The following INVS variants were observed in gnomAD, a reference collection of about 807,000 sequenced individuals.
INVS encodes inversin.
Under a neutral mutation model 108.8 loss-of-function variants are expected in INVS, and 86 were observed. The observed-to-expected ratio is 0.79, with a 90% CI of 0.66 to 0.95. The LOEUF (loss-of-function observed/expected upper bound fraction) is 0.95. Among genes scored for constraint, INVS ranks in the 40% least tolerant of loss-of-function variants. The pLI is 0.00. For synonymous variants in INVS, 455 were observed against 473.5 expected (o/e 0.96, Z 0.51); for missense variants, 1,169 against 1,297.4 (o/e 0.90, Z 1.52).
chr9:100,195,556 C>T (rs111566921), intron 3 of INVS, among the ~76,000 whole-genome samples: 65 of 152,006 alleles, frequency 4.3e-4, no homozygotes, highest in Non-Finnish European at 6.2e-4. Flanking sequence ...GATGTGATCT[C>T]GGCTCACTGC....
chr9:100,173,710 CAG>C (rs1262086277), intron 3 of INVS, among the ~76,000 whole-genome samples: 1 of 152,076 alleles, frequency 6.6e-6, no homozygotes, highest in Non-Finnish European at 1.5e-5. Context: ...GCCTGGGAGA[CAG>C]AGTGAGACTT....
intron 2 of INVS, among the ~76,000 whole-genome samples, chr9:100,124,794 T>G (rs561249390): frequency 1.3e-5 from 2 of 152,354 alleles, no homozygotes; most frequent in South Asian, 4.1e-4. Context: ...TCCAAACTTT[T>G]GAGTTGTTTC....
intron 3 of INVS, among the ~76,000 whole-genome samples, chr9:100,195,475 C>CA: frequency 6.7e-6 from 1 of 149,508 alleles, no homozygotes; most frequent in South Asian, 2.1e-4. Context: ...CACCCCACCA[C>CA]ACGCAACACA....
At chr9:100,154,189 G>A (rs1588044258) in intron 3 of INVS, among the ~76,000 whole-genome samples, 1 of 151,968 alleles carries the variant, frequency 6.6e-6, no homozygotes, top group Admixed American at 6.6e-5. Flanking sequence ...TTTGAGACAG[G>A]ATCTCACTCT....
In INVS at chr9:100,264,808, G is replaced by A. The variant is rs775762161; in HGVS notation, c.1465-14G>A. 7 of 1,581,186 alleles carry A rather than the reference G, an allele frequency of 4.4e-6. No individual in the cohort carries two copies. Among genetic ancestry groups the A allele is most frequent in the Non-Finnish European group, 5.2e-6 (6 of 1,150,136 alleles). On this transcript the variant is annotated splice_polypyrimidine_tract_variant and intron_variant, in intron 10 of 16. Coordinates refer to ENST00000262457, the MANE Select transcript of INVS (RefSeq NM_014425.5). ...CTTACTCCAGATGTACTTGATTTTT[G>A]TTTATGCTTATAGGGAAGAACAGCT...
chr9:100,279,939 G>A lies in INVS; in HGVS notation c.1785-4381G>A, dbSNP rs115554470. ...AATATCAACTTCCATAACTCCAACT[G>A]TGCAGGGCCAGAGTCGAGAGTTTGC... On this transcript the variant is annotated intron_variant, in intron 12 of 16. Transcript: ENST00000262457. Among the ~76,000 whole-genome samples, 527 of 152,306 alleles carry A rather than the reference G, an allele frequency of 3.5e-3. 2 individuals are homozygous for A. Among genetic ancestry groups the A allele is most frequent in the African/African-American group, 0.012 (514 of 41,564 alleles).
intron 2 of INVS, among the ~76,000 whole-genome samples, chr9:100,105,850 C>CTTTTTTTTTTTTTT (rs543070811): frequency 2.4e-4 from 15 of 63,800 alleles, no homozygotes; most frequent in East Asian, 7.5e-4. Context: ...GAAAAATTCC[C>CTTTTTTTTTTTTTT]TTTTTTTTTT....
intron 3 of INVS, among the ~76,000 whole-genome samples, chr9:100,221,597 C>T (rs1355268691): frequency 2.4e-5 from 3 of 123,878 alleles, no homozygotes; most frequent in African/African-American, 4.0e-5. Flanking sequence ...GCCTCCTCCC[C>T]AAGGTACCTG....
intron 3 of INVS, among the ~76,000 whole-genome samples, chr9:100,224,417 G>A (rs923396353): frequency 1.3e-5 from 2 of 152,102 alleles, no homozygotes; most frequent in Non-Finnish European, 2.9e-5. Context: ...TGGTCACACT[G>A]ACCTTGAAAT....
At chr9:100,105,434 T>C (rs1477414220) in intron 2 of INVS, among the ~76,000 whole-genome samples, 1 of 152,216 alleles carries the variant, frequency 6.6e-6, no homozygotes, top group East Asian at 1.9e-4. Context: ...CCATGAATTT[T>C]GTCTCACTTT....
chr9:100,101,207 G>A (rs1826977609), intron 1 of INVS: 1 of 150,140 alleles, frequency 6.7e-6, no homozygotes, highest in African/African-American at 2.5e-5. Context: ...AGGTCTTAGA[G>A]TTTAGAACAG....
intron 15 of INVS, among the ~76,000 whole-genome samples, 197 bp downstream of exon 15, chr9:100,297,343 A>T (rs1178041461): frequency 6.6e-6 from 1 of 152,140 alleles, no homozygotes; most frequent in Non-Finnish European, 1.5e-5. Context: ...GCACCATTTC[A>T]TTCCTGCCTC....
chr9:100,190,926 T>G (rs1830201360), intron 3 of INVS, among the ~76,000 whole-genome samples: 1 of 152,076 alleles, frequency 6.6e-6, no homozygotes, highest in Non-Finnish European at 1.5e-5. Context: ...AGTGGCATGA[T>G]CATGGCTCAC....
At position 100,143,643 on chromosome 9, in the gene INVS, T is replaced by A. The variant is rs1047555084; in HGVS notation, c.273+17094T>A. Among the ~76,000 whole-genome samples, 12 of 152,168 alleles carry A rather than the reference T, an allele frequency of 7.9e-5. No homozygotes were observed. In the South Asian group the frequency reaches 8.3e-4, roughly 11 times the overall value. ...GCCCAGGAATAGTCAGGGAAGCAGA[T>A]AATTTAGTTAAAGTGTCGGCCTAAT... is the stretch of plus-strand genomic sequence containing the variant. On this transcript the variant is annotated intron_variant, in intron 3 of 16. Coordinates refer to ENST00000262457, the MANE Select transcript of INVS (RefSeq NM_014425.5).
At chr9:100,253,927 G>A (rs1001835048) in intron 10 of INVS, among the ~76,000 whole-genome samples, 6 of 152,034 alleles carry the variant, frequency 3.9e-5, no homozygotes, top group African/African-American at 1.4e-4. Context: ...TTGGGTATAT[G>A]CCCAGTAATG....
chr9:100,131,961 C>G (rs1208513030), intron 3 of INVS: 1 of 943,330 alleles, frequency 1.1e-6, no homozygotes, highest in South Asian at 4.9e-5. Context: ...CCAGGTAACA[C>G]TATTAGGTTT....
At chr9:100,253,896 A>G (rs1391828428) in intron 10 of INVS, among the ~76,000 whole-genome samples, 1 of 152,180 alleles carries the variant, frequency 6.6e-6, no homozygotes, top group East Asian at 1.9e-4. Flanking sequence ...GTGTCTTTAT[A>G]GCAGCATGAT....
intron 3 of INVS, among the ~76,000 whole-genome samples, chr9:100,164,185 G>T (rs1829284834): frequency 6.6e-6 from 1 of 151,964 alleles, no homozygotes. Flanking sequence ...ATACATTCTG[G>T]ATTGACTAAA....
intron 6 of INVS, among the ~76,000 whole-genome samples, chr9:100,240,497 G>A (rs1462803198): frequency 6.6e-6 from 1 of 152,076 alleles, no homozygotes; most frequent in South Asian, 2.1e-4. Flanking sequence ...ACATGTGAAT[G>A]TAACATAAAC....
Sources: gnomAD v4.1 joint callset for allele counts (sites outside exome capture counted in the v4.1 genomes callset) on GRCh38, gnomAD v4.1.1 for gene constraint, MANE v1.5 for transcripts, NCBI Gene and HGNC (gene_info 2026-07-23, HGNC 2026-07-21) for gene names.